The following PON1 variants were observed in gnomAD, a reference collection of about 807,000 sequenced individuals.
PON1 encodes the protein serum paraoxonase/arylesterase 1.
A neutral mutation model predicts 39.2 loss-of-function variants in PON1; 37 were observed. The observed-to-expected ratio is 0.94, with a 90% CI of 0.73 to 1.24. The LOEUF is 1.24. PON1 is among the 50% of genes most tolerant of loss of function. The pLI is 0.00. For missense variants in PON1, 397 were observed against 413.5 expected, an observed-to-expected ratio of 0.96 and a Z score of 0.35; for synonymous variants, 148 against 152.2, an observed-to-expected ratio of 0.97 and a Z score of 0.21.
chr7:95,306,425 G>A lies in PON1; in HGVS notation c.699-59C>T, dbSNP rs1272305451. On this transcript the variant is annotated intron_variant, in intron 6 of 8. Coordinates refer to ENST00000222381, the MANE Select transcript of PON1 (RefSeq NM_000446.7). ...GAAGTAACACAACTTGAGAGATTAA[G>A]ATGAAGTTGTAATACCTATTCATAG... The A allele has an allele frequency of 3.2e-6, 4 of 1,248,802 alleles. No individual in the cohort carries two copies. In the African/African-American group the frequency reaches 5.9e-5, roughly 18 times the overall value. 77.4% of individuals were successfully genotyped at this position (1,248,802 alleles called of 1,614,324 possible).
chr7:95,312,280 G>A (rs1272304324), intron 4 of PON1, among the ~76,000 whole-genome samples: 7 of 152,028 alleles, frequency 4.6e-5, no homozygotes, highest in Non-Finnish European at 7.4e-5. Flanking sequence ...TGCAACCTCC[G>A]CCTCCCAGGT....
chr7:95,298,938 G>C lies in PON1; in HGVS notation c.*6C>G, dbSNP rs376226419. The C allele has an allele frequency of 1.2e-6, 2 of 1,614,112 alleles. No homozygotes were observed. Among genetic ancestry groups the C allele is most frequent in the Admixed American group, 3.3e-5 (2 of 60,016 alleles). ...AGTTTCTATGGCATGGGTGCAAATCGGTCTGTTAGAGCTCACAGTAAAGAG... is the reference window on the plus strand; with the variant it reads ...AGTTTCTATGGCATGGGTGCAAATCCGTCTGTTAGAGCTCACAGTAAAGAG... On this transcript the variant is annotated 3_prime_UTR_variant, in exon 9 of 9. Coordinates refer to ENST00000222381, the MANE Select transcript of PON1 (RefSeq NM_000446.7).
intron 1 of PON1, among the ~76,000 whole-genome samples, chr7:95,318,950 G>C (rs979081893): frequency 6.6e-6 from 1 of 152,066 alleles, no homozygotes. Flanking sequence ...ACATACACAG[G>C]AGCGACTTAT....
At position 95,298,595 on chromosome 7, in the gene PON1, G is replaced by A. The variant is rs1051416101; in HGVS notation, c.*349C>T. On this transcript the variant is annotated 3_prime_UTR_variant, in exon 9 of 9. Coordinates refer to ENST00000222381, the MANE Select transcript of PON1 (RefSeq NM_000446.7). ...TCTGAACAAGACATGGCAAGGCAGC[G>A]ATACACACATGTGCTTCCAGGCAAC... is the stretch of plus-strand genomic sequence containing the variant. 4 of 370,312 alleles carry A rather than the reference G, an allele frequency of 1.1e-5. No individual in the cohort carries two copies. Among genetic ancestry groups the A allele is most frequent in the Admixed American group, 7.4e-5 (2 of 26,892 alleles). 22.9% of individuals were successfully genotyped at this position (370,312 alleles called of 1,614,324 possible).
rs774510695 is a variant in PON1, at chr7:95,311,416, C to T, written c.497+35G>A. On this transcript the variant is annotated intron_variant, in intron 5 of 8. Coordinates refer to ENST00000222381, the MANE Select transcript of PON1 (RefSeq NM_000446.7). ...AAAGTGGATTAACTATCCGCTACAG[C>T]TAAAGGAAAATAGAAATGTGATATA... 3.7e-6 allele frequency: 6 copies of T among 1,612,568 alleles called. No homozygotes were observed. The Admixed American group carries it at 1.0e-4, about 27-fold the overall frequency.
At chr7:95,301,923 T>A (rs1456728302) in intron 8 of PON1, among the ~76,000 whole-genome samples, 3 of 135,596 alleles carry the variant, frequency 2.2e-5, no homozygotes, top group Admixed American at 7.4e-5. Context: ...CTGTCTCTAC[T>A]AAAAAAAAAA....
intron 7 of PON1, among the ~76,000 whole-genome samples, chr7:95,304,327 CTTTT>C (rs34709624): frequency 4.6e-5 from 5 of 109,512 alleles, no homozygotes; most frequent in African/African-American, 1.2e-4. Context: ...AACTTCATTC[CTTTT>C]TTTTTTTTTT....
At chr7:95,302,475 A>C (rs1222663995) in intron 7 of PON1, 142 bp from the exon 8 acceptor site, 1 of 712,234 alleles carries the variant, frequency 1.4e-6, no homozygotes, top group Non-Finnish European at 2.3e-6. Flanking sequence ...CCCCATTTCA[A>C]TAAGACTCAC....
chr7:95,305,091 A>T (rs1807511991), intron 7 of PON1, among the ~76,000 whole-genome samples: 1 of 152,206 alleles, frequency 6.6e-6, no homozygotes, highest in South Asian at 2.1e-4. Flanking sequence ...AGTGATTTTT[A>T]ATGTCAAACA....
chr7:95,315,388 T>A lies in PON1; in HGVS notation c.304A>T (p.Ile102Phe). 6.2e-7 allele frequency: 1 copy of A among 1,613,666 alleles called. No homozygotes were observed. The highest frequency in any genetic ancestry group is 1.3e-5 in the African/African-American group (1 of 75,026). Residue 102 changes from isoleucine to phenylalanine, a missense_variant, in exon 4 of 9, where the codon ATC (isoleucine) becomes TTC (phenylalanine). Ile to Phe is a conservative substitution (Grantham distance 21). Transcript: ENST00000222381. Reference sequence around the variant, plus strand: ...GATACATCAAATTTACTTCCAGTGATCCCCAATTCCAACACTGTTGGATCT... The same window carrying A: ...GATACATCAAATTTACTTCCAGTGAACCCCAATTCCAACACTGTTGGATCT... ...EEDPTVLELG[I>F]TGSKFDVSSF...
chr7:95,314,922 C>T (rs1174786570), intron 4 of PON1, among the ~76,000 whole-genome samples: 1 of 152,156 alleles, frequency 6.6e-6, no homozygotes, highest in East Asian at 1.9e-4. Context: ...GAAAGCTGAC[C>T]ATGGTGACTT....
intron 5 of PON1, among the ~76,000 whole-genome samples, chr7:95,309,175 A>G (rs1466861490): frequency 1.3e-5 from 2 of 152,186 alleles, no homozygotes; most frequent in Non-Finnish European, 2.9e-5. Context: ...CATACAGCTC[A>G]TTAGTAGAAA....
intron 2 of PON1, 112 bp downstream of exon 2, chr7:95,318,211 T>A (rs1807814162): frequency 1.2e-6 from 1 of 867,596 alleles, no homozygotes; most frequent in Non-Finnish European, 1.9e-6. Flanking sequence ...CCACTGACTC[T>A]CCTGATTCAA....
intron 4 of PON1, among the ~76,000 whole-genome samples, chr7:95,311,923 A>G (rs1807664360): frequency 6.6e-6 from 1 of 152,258 alleles, no homozygotes; most frequent in African/African-American, 2.4e-5. Context: ...GATAAAAACC[A>G]TGGGAACTCC....
At chr7:95,323,905 T>C (rs1807954170) in intron 1 of PON1, among the ~76,000 whole-genome samples, 1 of 152,174 alleles carries the variant, frequency 6.6e-6, no homozygotes, top group Non-Finnish European at 1.5e-5. Context: ...ACAGCACACG[T>C]TAGCTCCACC....
rs755871347 is a variant in PON1 at position 95,324,397 on chromosome 7, C to G, written c.74+5G>C. ...GGCTGCAGCCCTCACCACAACCCAA[C>G]TTACTGGTAAGAAGACTGGTGGTTC... On this transcript the variant is annotated splice_donor_5th_base_variant and intron_variant, in intron 1 of 8. Coordinates refer to ENST00000222381, the MANE Select transcript of PON1 (RefSeq NM_000446.7). The G allele has an allele frequency of 1.9e-6, 3 of 1,614,088 alleles. No individual in the cohort carries two copies. The East Asian group carries it at 6.7e-5, about 36-fold the overall frequency.
chr7:95,323,380 C>A (rs854570), intron 1 of PON1, among the ~76,000 whole-genome samples: 80,280 of 152,024 alleles, frequency 0.53, 23,351 homozygotes, highest in Middle Eastern at 0.67. Context: ...GCCAAGAATA[C>A]CAACTGCTTC....
intron 1 of PON1, among the ~76,000 whole-genome samples, chr7:95,321,497 C>A (rs1807896672): frequency 6.6e-6 from 1 of 152,182 alleles, no homozygotes. Flanking sequence ...TACTATGTGC[C>A]AAGCTCCAAT....
rs763727586 is a variant in PON1 at position 95,308,217 on chromosome 7, A to T, written c.498-6T>A. On this transcript the variant is annotated splice_polypyrimidine_tract_variant and splice_region_variant and intron_variant, in intron 5 of 8. Transcript: ENST00000222381. ...CAGCAACAATATCATTCAAACTGCA[A>T]TTAAAACATACACACATAATATATA... 3 of 1,611,316 alleles carry T rather than the reference A, an allele frequency of 1.9e-6. No individual in the cohort carries two copies. In the South Asian group the frequency reaches 3.3e-5, roughly 18 times the overall value.
Sources: allele counts gnomAD v4.1 joint callset (sites outside exome capture counted in the v4.1 genomes callset), GRCh38; gene constraint gnomAD v4.1.1; transcripts MANE v1.5; gene names NCBI Gene and HGNC (gene_info 2026-07-23, HGNC 2026-07-21).